PRKG1: variants seen among roughly 807,000 people sequenced by gnomAD.
The protein encoded by PRKG1 is cGMP-dependent protein kinase 1.
In PRKG1, 35 loss-of-function variants were observed where a neutral mutation model predicts 88.1. The observed-to-expected ratio is 0.40, with a 90% confidence interval of 0.30 to 0.53. The LOEUF (loss-of-function observed/expected upper bound fraction) is 0.53. PRKG1 is among the 20% of genes least tolerant of loss of function. The pLI is 0.59. For synonymous variants in PRKG1, 303 were observed against 292.5 expected (o/e 1.04, Z -0.37); for missense variants, 540 against 839.8 (o/e 0.64, Z 4.41).
intron 4 of PRKG1, among the ~76,000 whole-genome samples, chr10:51,818,600 C>G (rs1400580582): frequency 1.3e-5 from 2 of 152,098 alleles, no homozygotes; most frequent in African/African-American, 2.4e-5. Flanking sequence ...TGTGTTTGAT[C>G]TCTCCTATTT....
intron 1 of PRKG1, among the ~76,000 whole-genome samples, chr10:51,101,956 C>G (rs915348195): frequency 6.6e-6 from 1 of 152,216 alleles, no homozygotes; most frequent in African/African-American, 2.4e-5. Flanking sequence ...AACTGGGCAT[C>G]TGCCCAGTGG....
intron 1 of PRKG1, among the ~76,000 whole-genome samples, chr10:51,141,322 G>A (rs1845814796): frequency 6.6e-6 from 1 of 152,072 alleles, no homozygotes; most frequent in Non-Finnish European, 1.5e-5. Context: ...CTTCTTTATT[G>A]CTTCTCTGTT....
chr10:51,982,402 T>C (rs1306343881), intron 5 of PRKG1, among the ~76,000 whole-genome samples: 1 of 152,234 alleles, frequency 6.6e-6, no homozygotes, highest in African/African-American at 2.4e-5. Flanking sequence ...CTTTCTGAGT[T>C]GTCAGAGTTC....
At chr10:51,601,452 C>T (rs1017594166) in intron 3 of PRKG1, among the ~76,000 whole-genome samples, 4 of 152,116 alleles carry the variant, frequency 2.6e-5, no homozygotes, top group South Asian at 2.1e-4. Flanking sequence ...TGAAGAATTG[C>T]GTCTGTAAAC....
chr10:51,290,202 T>C (rs1049777826), intron 2 of PRKG1, among the ~76,000 whole-genome samples: 2 of 152,104 alleles, frequency 1.3e-5, no homozygotes, highest in African/African-American at 4.8e-5. Flanking sequence ...ATTGTGCTAC[T>C]GCACTGCAGC....
chr10:51,689,663 G>C (rs570227955), intron 3 of PRKG1, among the ~76,000 whole-genome samples: 1 of 152,134 alleles, frequency 6.6e-6, no homozygotes, highest in South Asian at 2.1e-4. Context: ...TTAAATTTAC[G>C]TTTGCTTTGT....
chr10:51,285,759 T>C (rs867065926), intron 2 of PRKG1, among the ~76,000 whole-genome samples: 1 of 152,192 alleles, frequency 6.6e-6, no homozygotes, highest in Middle Eastern at 3.4e-3. Flanking sequence ...TAGTGGGAGA[T>C]GAAAGGGCTG....
intron 7 of PRKG1, among the ~76,000 whole-genome samples, chr10:52,073,941 C>T (rs1376103641): frequency 6.6e-6 from 1 of 152,186 alleles, no homozygotes; most frequent in Non-Finnish European, 1.5e-5. Context: ...CCACAATAAT[C>T]AAGATTATTT....
At chr10:51,183,373 A>C (rs1173396443) in intron 2 of PRKG1, among the ~76,000 whole-genome samples, 1 of 152,182 alleles carries the variant, frequency 6.6e-6, no homozygotes, top group Non-Finnish European at 1.5e-5. Context: ...AAGCCTTGCT[A>C]ATTAGCTAGT....
intron 3 of PRKG1, among the ~76,000 whole-genome samples, chr10:51,596,801 T>A (rs1296462145): frequency 6.6e-6 from 1 of 152,308 alleles, no homozygotes; most frequent in East Asian, 1.9e-4. Flanking sequence ...GTTATTTTTT[T>A]AAATTGCTTC....
intron 1 of PRKG1, among the ~76,000 whole-genome samples, chr10:51,082,408 G>T (rs893998717): frequency 1.3e-5 from 2 of 152,124 alleles, no homozygotes; most frequent in Non-Finnish European, 2.9e-5. Context: ...ACTTTCCTGC[G>T]CATTAGAATC....
chr10:51,120,941 A>T (rs1589167533), intron 1 of PRKG1, among the ~76,000 whole-genome samples: 2 of 152,238 alleles, frequency 1.3e-5, no homozygotes, highest in African/African-American at 4.8e-5. Flanking sequence ...TACAATTAAG[A>T]TGTCAGTGGG....
intron 2 of PRKG1, among the ~76,000 whole-genome samples, chr10:51,416,872 A>G (rs909046803): frequency 2.6e-5 from 4 of 152,190 alleles, no homozygotes; most frequent in Non-Finnish European, 4.4e-5. Context: ...TCAGGCTTTC[A>G]ATGAAGAACA....
chr10:51,398,384 A>G (rs933953082), intron 2 of PRKG1, among the ~76,000 whole-genome samples: 14 of 151,936 alleles, frequency 9.2e-5, no homozygotes, highest in African/African-American at 2.9e-4. Flanking sequence ...AGCTCAGGCG[A>G]TGATGCTCAC....
intron 4 of PRKG1, among the ~76,000 whole-genome samples, chr10:51,835,062 C>G (rs897806546): frequency 3.3e-5 from 5 of 152,144 alleles, no homozygotes; most frequent in Admixed American, 2.0e-4. Context: ...ACATGAGAAA[C>G]TCCAAGTGTC....
chr10:51,855,726 C>T (rs1213448229), intron 4 of PRKG1, among the ~76,000 whole-genome samples: 1 of 152,158 alleles, frequency 6.6e-6, no homozygotes, highest in Non-Finnish European at 1.5e-5. Context: ...AGTGCTACTA[C>T]TTGGAAAATA....
chr10:51,366,130 T>G (rs777756026), intron 2 of PRKG1, among the ~76,000 whole-genome samples: 35 of 151,928 alleles, frequency 2.3e-4, no homozygotes, highest in Non-Finnish European at 4.3e-4. Context: ...TTGAAGTCTC[T>G]CATTTTTTTC....
intron 5 of PRKG1, among the ~76,000 whole-genome samples, chr10:51,974,222 T>C (rs112378415): frequency 3.0e-4 from 45 of 152,246 alleles, no homozygotes; most frequent in Middle Eastern, 3.4e-3. Flanking sequence ...ACCTGCAAGA[T>C]TCTGGAACAG....
At chr10:51,808,597 T>A (rs1009861198) in intron 4 of PRKG1, among the ~76,000 whole-genome samples, 1 of 152,144 alleles carries the variant, frequency 6.6e-6, no homozygotes, top group African/African-American at 2.4e-5. Context: ...AGAGAGACCC[T>A]GTCTCAAAAA....
Sources: gnomAD v4.1 joint callset for allele counts (sites outside exome capture counted in the v4.1 genomes callset) on GRCh38, gnomAD v4.1.1 for gene constraint, MANE v1.5 for transcripts, NCBI Gene and HGNC (gene_info 2026-07-23, HGNC 2026-07-21) for gene names.